Variants in SEC22C observed in about 807,000 individuals in gnomAD.
SEC22C encodes vesicle-trafficking protein SEC22c.
In SEC22C, 29 loss-of-function variants were observed where a neutral mutation model predicts 34.7. That is an observed-to-expected ratio of 0.84 (90% CI 0.62 to 1.14). SEC22C has a LOEUF of 1.14. Ranked by LOEUF, SEC22C falls within the 50% of genes most tolerant of loss-of-function variation. SEC22C has a pLI of 0.00. For synonymous variants in SEC22C, 117 were observed against 132.8 expected (o/e 0.88, Z 0.82); for missense variants, 337 against 369.0 (o/e 0.91, Z 0.71).
intron 1 of SEC22C, among the ~76,000 whole-genome samples, chr3:42,592,770 T>A (rs915656042): frequency 6.6e-6 from 1 of 152,148 alleles, no homozygotes; most frequent in Non-Finnish European, 1.5e-5. Flanking sequence ...AACCCAAGGG[T>A]AAGAAAGTTA....
rs1705328875 is a variant in SEC22C at position 42,600,881 on chromosome 3, G to C, written c.-28+79C>G. Reference sequence around the variant, plus strand: ...TCCTGCGCTGTCGCGACGGGCCGGCGTGAGGCACCGTGGCGCGGACTTCGT... The same window carrying C: ...TCCTGCGCTGTCGCGACGGGCCGGCCTGAGGCACCGTGGCGCGGACTTCGT... On this transcript the variant is annotated intron_variant, in intron 1 of 6. Transcript: ENST00000417572. The C allele has an allele frequency of 1.6e-5, 11 of 674,304 alleles. No homozygotes were observed. The East Asian group carries it at 3.5e-4, about 21-fold the overall frequency. 41.8% of individuals were successfully genotyped at this position (674,304 alleles called of 1,614,324 possible). A position where few individuals can be genotyped will look rare whatever the true frequency, so the allele number is the denominator to read the frequency against.
At chr3:42,591,572 G>C in intron 1 of SEC22C, 2 of 1,614,036 alleles carry the variant, frequency 1.2e-6, no homozygotes, top group South Asian at 1.1e-5. Flanking sequence ...TGGAGTATCA[G>C]AACAAGGGCC....
Position 42,552,776 on chromosome 3 carries a change from AG to A in SEC22C, c.*471del. ...GCTTACATTTATGAACCATATTTTTAGGTTTTTAATTCATCCTGTACTGACC... is the reference window on the plus strand; with the variant it reads ...GCTTACATTTATGAACCATATTTTTAGTTTTTAATTCATCCTGTACTGACC... On this transcript the variant is annotated 3_prime_UTR_variant, in exon 7 of 7. Coordinates refer to ENST00000264454, the MANE Select transcript of SEC22C (RefSeq NM_032970.4). 1 of 983,236 alleles carries A rather than the reference AG, an allele frequency of 1.0e-6. No individual in the cohort carries two copies. Among genetic ancestry groups the A allele is most frequent in the Non-Finnish European group, 1.2e-6 (1 of 827,894 alleles). The allele number at this position is 983,236 out of a possible 1,614,324, so 60.9% of individuals were successfully genotyped here.
intron 1 of SEC22C, among the ~76,000 whole-genome samples, chr3:42,570,021 C>A (rs1266554221): frequency 2.0e-5 from 3 of 152,130 alleles, no homozygotes; most frequent in Non-Finnish European, 2.9e-5. Flanking sequence ...TAGGATGTGT[C>A]CACACATCGT....
In SEC22C at chr3:42,557,462, A is replaced by G. The variant is rs529718499; in HGVS notation, c.645+116T>C. On this transcript the variant is annotated intron_variant, in intron 5 of 6. Transcript: ENST00000264454. Reference sequence around the variant, plus strand: ...AAGAATAAAATTTATAATAAAATTCATATTAGTTTTGAAAAATTATAAAAC... The same window carrying G: ...AAGAATAAAATTTATAATAAAATTCGTATTAGTTTTGAAAAATTATAAAAC... 7.8e-5 allele frequency: 37 copies of G among 474,546 alleles called. No individual in the cohort carries two copies. In the South Asian group the frequency reaches 1.6e-3, roughly 21 times the overall value. The allele number at this position is 474,546 out of a possible 1,614,324, so 29.4% of individuals were successfully genotyped here.
chr3:42,591,485 G>T (rs1228207104), intron 1 of SEC22C: 10 of 1,512,474 alleles, frequency 6.6e-6, no homozygotes, highest in Non-Finnish European at 6.4e-6. Context: ...GAGCCACTGC[G>T]CCCGGCCTGC....
Position 42,550,237 on chromosome 3 carries a change from G to GT in SEC22C, c.*3010dup. On this transcript the variant is annotated 3_prime_UTR_variant, in exon 7 of 7. Transcript: ENST00000264454. ...TACCAGAAGGCACCTCTAAAGTTTTGTTTTCAACATTATTTCATCTATTCC... is the reference window on the plus strand; with the variant it reads ...TACCAGAAGGCACCTCTAAAGTTTTGTTTTTCAACATTATTTCATCTATTCC... 1.0e-6 allele frequency: 1 copy of GT among 985,394 alleles called. No homozygotes were observed. The highest frequency in any genetic ancestry group is 1.1e-4 in the East Asian group (1 of 8,816). 61.0% of individuals were successfully genotyped at this position (985,394 alleles called of 1,614,324 possible).
chr3:42,549,930 T>C lies in SEC22C; in HGVS notation c.*3318A>G, dbSNP rs145626451. On this transcript the variant is annotated 3_prime_UTR_variant, in exon 7 of 7. Transcript: ENST00000264454. ...GTCACATGCCTCCAGCTGCAGGCAG[T>C]GGGGCCTCTGGTACTGAGAGGGAAT... The C allele has an allele frequency of 7.8e-5, 77 of 985,456 alleles. No individual in the cohort carries two copies. In the African/African-American group the frequency reaches 1.2e-3, roughly 15 times the overall value. The allele number at this position is 985,456 out of a possible 1,614,324, so 61.0% of individuals were successfully genotyped here. A position where few individuals can be genotyped will look rare whatever the true frequency, so the allele number is the denominator to read the frequency against.
intron 1 of SEC22C, among the ~76,000 whole-genome samples, chr3:42,578,347 G>C (rs559770685): frequency 6.6e-6 from 1 of 152,126 alleles, no homozygotes; most frequent in East Asian, 1.9e-4. Context: ...ATCCTTTTAC[G>C]TAACATTCTT....
intron 1 of SEC22C, among the ~76,000 whole-genome samples, chr3:42,587,094 G>A: frequency 6.6e-6 from 1 of 152,026 alleles, no homozygotes; most frequent in East Asian, 1.9e-4. Flanking sequence ...ACTATCTCTG[G>A]CCTGCATGCT....
intron 2 of SEC22C, chr3:42,565,820 T>A (rs1203054693): frequency 4.5e-6 from 2 of 444,816 alleles, no homozygotes; most frequent in Non-Finnish European, 8.9e-6. Context: ...TTTGTGGTCA[T>A]TTGTTATGGC....
At position 42,553,187 on chromosome 3, in the gene SEC22C, A is replaced by G; in HGVS notation, c.*61T>C. Reference sequence around the variant, plus strand: ...TGGAGTGTAAAGTAGAGAAGCAGAAAGAGAAACATAGATTGATCCTCAAAA... The same window carrying G: ...TGGAGTGTAAAGTAGAGAAGCAGAAGGAGAAACATAGATTGATCCTCAAAA... On this transcript the variant is annotated 3_prime_UTR_variant, in exon 7 of 7. Coordinates refer to ENST00000264454, the MANE Select transcript of SEC22C (RefSeq NM_032970.4). The G allele has an allele frequency of 1.3e-6, 2 of 1,591,804 alleles. No homozygotes were observed. Among genetic ancestry groups the G allele is most frequent in the South Asian group, 1.1e-5 (1 of 87,984 alleles).
chr3:42,564,590 G>A (rs1400571432), intron 2 of SEC22C, among the ~76,000 whole-genome samples: 8 of 152,208 alleles, frequency 5.3e-5, no homozygotes, highest in Admixed American at 2.0e-4. Context: ...AACCTTTTAC[G>A]AGGCGCAAGA....
rs1403334290 is a variant in SEC22C at position 42,563,681 on chromosome 3, GA to G, written c.187del (p.Ser63LeufsTer43). ...AEGCDFSIHF[S>X]SFGDVACMAI... The stretch of plus-strand genomic sequence containing the variant: ...CATGCAGGCCACGTCCCCGAAAGAA[GA>G]AAAACTGAAACAAAAGGGCAATATC... On this transcript the variant is annotated frameshift_variant, in exon 3 of 7. Transcript: ENST00000264454. LOFTEE classifies it high-confidence loss of function. 3 of 1,613,676 alleles carry G rather than the reference GA, an allele frequency of 1.9e-6. No individual in the cohort carries two copies. Among genetic ancestry groups the G allele is most frequent in the African/African-American group, 2.7e-5 (2 of 74,870 alleles).
At position 42,563,755 on chromosome 3, in the gene SEC22C, A is replaced by G. The variant is rs748419418; in HGVS notation, c.183-69T>C. 5 of 1,603,088 alleles carry G rather than the reference A, an allele frequency of 3.1e-6. No homozygotes were observed. In the African/African-American group the frequency reaches 5.4e-5, roughly 17 times the overall value. ...ATGTATTCCCATCCCACACCCAGAC[A>G]CAACCTTACCTGAATTCTGCACTTG... On this transcript the variant is annotated intron_variant, in intron 2 of 6. Coordinates refer to ENST00000264454, the MANE Select transcript of SEC22C (RefSeq NM_032970.4).
At chr3:42,590,913 G>T in intron 1 of SEC22C, 1 of 1,592,396 alleles carries the variant, frequency 6.3e-7, no homozygotes, top group Non-Finnish European at 8.6e-7. Context: ...GGTGGCCTTC[G>T]TACCGGACTG....
At position 42,553,223 on chromosome 3, in the gene SEC22C, G is replaced by T; in HGVS notation, c.*25C>A. The T allele has an allele frequency of 1.9e-6, 3 of 1,610,334 alleles. No homozygotes were observed. The highest frequency in any genetic ancestry group is 2.5e-6 in the Non-Finnish European group (3 of 1,178,452). On this transcript the variant is annotated 3_prime_UTR_variant, in exon 7 of 7. Transcript: ENST00000264454. ...GATTGATCCTCAAAAGAAAATCAAA[G>T]AATCCATTCATCACAGTGTCATCCT...
At chr3:42,565,023 G>T (rs962224844) in intron 2 of SEC22C, among the ~76,000 whole-genome samples, 1 of 152,134 alleles carries the variant, frequency 6.6e-6, no homozygotes, top group African/African-American at 2.4e-5. Flanking sequence ...CTCCCAAAGT[G>T]CTGGGATTAC....
chr3:42,568,932 T>C lies in SEC22C; in HGVS notation c.115A>G (p.Ser39Gly). The stretch of plus-strand genomic sequence containing the variant: ...TACTGGGCCAGTCGCAAGGCTAAAC[T>C]CTTGAGCCGTCTCCTCCATTCCAAA... Reference protein sequence around the residue: ...DFLEWRRRLKSLALRLAQYPG... With the variant: ...DFLEWRRRLKGLALRLAQYPG... The change falls in exon 2 of 7, where the codon AGT becomes GGT. Residue 39 changes from serine to glycine, a missense_variant. Coordinates refer to ENST00000264454, the MANE Select transcript of SEC22C (RefSeq NM_032970.4). 7 of 1,614,146 alleles carry C rather than the reference T, an allele frequency of 4.3e-6. No individual in the cohort carries two copies. The highest frequency in any genetic ancestry group is 5.9e-6 in the Non-Finnish European group (7 of 1,180,028).
Sources: allele counts gnomAD v4.1 joint callset (sites outside exome capture counted in the v4.1 genomes callset), GRCh38; gene constraint gnomAD v4.1.1; transcripts MANE v1.5; gene names NCBI Gene and HGNC (gene_info 2026-07-23, HGNC 2026-07-21).